The following MUC12 variants were observed in gnomAD, a reference collection of about 807,000 sequenced individuals.
MUC12 encodes mucin-12.
Under a neutral mutation model 230.8 loss-of-function variants are expected in MUC12, and 172 were observed. That is an observed-to-expected ratio of 0.75 (90% CI 0.66 to 0.85). The LOEUF (loss-of-function observed/expected upper bound fraction) is 0.85. MUC12 is among the 40% of genes least tolerant of loss of function. The probability of loss-of-function intolerance (pLI) is 0.00; values close to 1 mark genes in which losing one functional copy is unlikely to be tolerated. For missense variants in MUC12, 3,506 were observed against 5,920.6 expected (o/e 0.59, Z 13.38); for synonymous variants, 1,259 against 2,401.9 (o/e 0.52, Z 13.91).
intron 5 of MUC12, 98 bp downstream of exon 5, chr7:101,009,257 T>C: frequency 7.8e-7 from 1 of 1,287,054 alleles, no homozygotes; most frequent in Non-Finnish European, 1.1e-6. Flanking sequence ...ATATCAATAC[T>C]GGTTGGGTCA....
Position 100,992,564 on chromosome 7 carries a change from A to T in MUC12, c.2001A>T (p.Ser667=). 1 of 1,537,966 alleles carries T rather than the reference A, an allele frequency of 6.5e-7. No individual in the cohort carries two copies. Among genetic ancestry groups the T allele is most frequent in the Non-Finnish European group, 8.7e-7 (1 of 1,147,070 alleles). Residue 667 remains serine (S), a synonymous_variant, in exon 2 of 12, where the codon TCA becomes TCT. Transcript: ENST00000536621. ...PSTTSHGSPS[S]IPTTHISARS... is the part of the protein sequence containing the mutation. ...CAACCTCCCACGGCAGCCCGAGCTC[A>T]ATTCCAACAACCCACATTTCTGCCC...
Position 101,012,399 on chromosome 7 carries a change from A to T in MUC12, c.15355A>T (p.Ile5119Phe), listed in dbSNP as rs1324799038. The T allele has an allele frequency of 6.5e-7, 1 of 1,537,856 alleles. No individual in the cohort carries two copies. The highest frequency in any genetic ancestry group is 2.0e-5 in the Admixed American group (1 of 51,004). Residue 5119 changes from isoleucine (I) to phenylalanine (F), a missense_variant, in exon 6 of 12, where the codon ATT becomes TTT. Coordinates refer to ENST00000536621, the MANE Select transcript of MUC12 (RefSeq NM_001164462.2). ...ENLAEIVKAK[I>F]MNETRTTLLD... Reference sequence around the variant, plus strand: ...CCTGGCAGAGATTGTAAAGGCCAAGATTATGAATGAAACTAGAACAACTCT... The same window carrying T: ...CCTGGCAGAGATTGTAAAGGCCAAGTTTATGAATGAAACTAGAACAACTCT...
chr7:100,991,637 T>C lies in MUC12; in HGVS notation c.1074T>C (p.Ser358=). ...CGACCTCAGGCCATGTTGAAGAATC[T>C]ACAGCCTACCACAGGAGCCCGGGCT... The part of the protein sequence containing the change: ...RSATSGHVEE[S]TAYHRSPGST... The change falls in exon 2 of 12, where the codon TCT becomes TCC. Residue 358 remains serine (S), a synonymous_variant. Transcript: ENST00000536621. 1.3e-6 allele frequency: 2 copies of C among 1,536,934 alleles called. No homozygotes were observed. The highest frequency in any genetic ancestry group is 2.4e-5 in the South Asian group (2 of 84,016).
Position 101,004,673 on chromosome 7 carries a change from A to G in MUC12, c.14110A>G (p.Thr4704Ala), listed in dbSNP as rs377160283. The G allele has an allele frequency of 3.9e-6, 6 of 1,537,742 alleles. No homozygotes were observed. The highest frequency in any genetic ancestry group is 5.2e-6 in the Non-Finnish European group (6 of 1,147,002). ...CACACCCTTACCTGCCCATTTTACT[A>G]CCTCAGGCCGCATTGCAGAATCTAC... ...GITPLPAHFT[T>A]SGRIAESTTF... The change falls in exon 2 of 12, where the codon ACC becomes GCC. Residue 4704 changes from threonine to alanine, a missense_variant. Transcript: ENST00000536621.
At chr7:100,981,615 G>A (rs964396451) in intron 1 of MUC12, 8 of 428,300 alleles carry the variant, frequency 1.9e-5, no homozygotes, top group African/African-American at 1.4e-4. Flanking sequence ...TGTGACCTGC[G>A]AGGGCAACTG....
In MUC12 at chr7:101,011,354, C is replaced by T. The variant is rs775161027; in HGVS notation, c.15252-942C>T. Among the ~76,000 whole-genome samples the T allele has an allele frequency of 9.8e-5, 15 of 152,286 alleles. No homozygotes were observed. The South Asian group carries it at 1.0e-3, about 11-fold the overall frequency. The stretch of plus-strand genomic sequence containing the variant: ...CAGTGACAGATGACTTGCCTTGTCT[C>T]AAGATCTCTCCCCCCAGCTGCATCA... On this transcript the variant is annotated intron_variant, in intron 5 of 11. Transcript: ENST00000536621.
intron 1 of MUC12, among the ~76,000 whole-genome samples, chr7:100,972,508 GC>G (rs145454414): frequency 0.015 from 2,252 of 151,862 alleles, 3 homozygotes; most frequent in Non-Finnish European, 0.019. Context: ...GGCATCTGTA[GC>G]TTTTTTTTTT....
At chr7:100,975,433 CA>C (rs1281440295) in intron 1 of MUC12, among the ~76,000 whole-genome samples, 1 of 152,308 alleles carries the variant, frequency 6.6e-6, no homozygotes, top group Non-Finnish European at 1.5e-5. Context: ...TCACAATAGA[CA>C]AAGGGGCAAC....
Position 100,992,360 on chromosome 7 carries a change from A to C in MUC12, c.1797A>C (p.Ser599=), listed in dbSNP as rs750992784. 12 of 1,536,684 alleles carry C rather than the reference A, an allele frequency of 7.8e-6. No individual in the cohort carries two copies. Among genetic ancestry groups the C allele is most frequent in the South Asian group, 2.4e-5 (2 of 83,998 alleles). ...TTLLPDNTTA[S]GLLEASMPVH... The stretch of plus-strand genomic sequence containing the variant: ...TCTTACCTGACAACACCACAGCCTC[A>C]GGACTCCTTGAAGCATCTATGCCCG... Residue 599 remains serine, a synonymous_variant, in exon 2 of 12, where the codon TCA becomes TCC. Transcript: ENST00000536621.
intron 5 of MUC12, among the ~76,000 whole-genome samples, chr7:101,010,864 G>A (rs1460266849): frequency 6.6e-6 from 1 of 152,080 alleles, no homozygotes; most frequent in Non-Finnish European, 1.5e-5. Context: ...TGCCCGGGCT[G>A]GTCTCAAACT....
intron 1 of MUC12, among the ~76,000 whole-genome samples, chr7:100,990,172 GAAGT>G (rs1793256196): frequency 6.6e-6 from 1 of 152,254 alleles, no homozygotes; most frequent in African/African-American, 2.4e-5. Context: ...CACACGGCAA[GAAGT>G]GAGTAGCGGG....
Position 100,990,838 on chromosome 7 carries a change from G to A in MUC12, c.275G>A (p.Gly92Glu). Reference protein sequence around the residue: ...TVSHSGPGATGTTLFPSHSAT... With the variant: ...TVSHSGPGATETTLFPSHSAT... ...TCCCACAGCGGCCCAGGTGCAACTG[G>A]AACAACACTCTTCCCTTCCCACTCT... Residue 92 changes from glycine to glutamate, a missense_variant, in exon 2 of 12, where the codon GGA (glycine) becomes GAA (glutamate). Gly to Glu is a moderately conservative substitution (Grantham distance 98). Coordinates refer to ENST00000536621, the MANE Select transcript of MUC12 (RefSeq NM_001164462.2). 1 of 1,537,522 alleles carries A rather than the reference G, an allele frequency of 6.5e-7. No homozygotes were observed. Among genetic ancestry groups the A allele is most frequent in the Non-Finnish European group, 8.7e-7 (1 of 1,146,968 alleles).
Position 100,991,194 on chromosome 7 carries a change from A to G in MUC12, c.631A>G (p.Thr211Ala), listed in dbSNP as rs1793288642. Residue 211 changes from threonine to alanine, a missense_variant, in exon 2 of 12, where the codon ACT becomes GCT. Physicochemically the swap from Thr to Ala is moderately conservative, Grantham distance 58. Transcript: ENST00000536621. ...GSTDTTLSPG[T>A]TTPSSLGPES... The stretch of plus-strand genomic sequence containing the variant: ...CACAGACACAACACTGTCCCCTGGC[A>G]CTACCACACCATCATCCCTTGGTCC... The G allele has an allele frequency of 6.5e-7, 1 of 1,537,456 alleles. No individual in the cohort carries two copies. The highest frequency in any genetic ancestry group is 1.4e-5 in the African/African-American group (1 of 72,998).
chr7:101,017,324 G>A (rs1448413396), intron 10 of MUC12: 1 of 453,492 alleles, frequency 2.2e-6, no homozygotes, highest in Non-Finnish European at 3.9e-6. Context: ...CGTGGCCCCC[G>A]CTTCCACCCC....
At chr7:100,988,796 T>C (rs999610138) in intron 1 of MUC12, among the ~76,000 whole-genome samples, 5 of 152,118 alleles carry the variant, frequency 3.3e-5, no homozygotes, top group Non-Finnish European at 2.9e-5. Context: ...GCTCCCACAA[T>C]TCCCATGTGT....
chr7:101,016,801 T>G (rs889247741), intron 10 of MUC12: 9 of 152,268 alleles, frequency 5.9e-5, no homozygotes, highest in African/African-American at 2.2e-4. Flanking sequence ...GAGCTGACCC[T>G]TGGGCCCCGA....
chr7:101,012,718 C>A (rs1793855568), intron 6 of MUC12, 101 bp from the exon 7 acceptor site: 13 of 1,344,176 alleles, frequency 9.7e-6, no homozygotes, highest in Middle Eastern at 1.8e-4. Context: ...CGGGCATTGG[C>A]CCAGGGGAGG....
Position 101,002,766 on chromosome 7 carries a change from C to CTTGTGGAGCTGG in MUC12, c.12203_12204insTTGTGGAGCTGG (p.Ser4068_Thr4069insCysGlyAlaGly). 8.4e-7 allele frequency: 1 copy of CTTGTGGAGCTGG among 1,188,090 alleles called. No individual in the cohort carries two copies. Among genetic ancestry groups the CTTGTGGAGCTGG allele is most frequent in the Non-Finnish European group, 1.2e-6 (1 of 847,202 alleles). The allele number at this position is 1,188,090 out of a possible 1,614,324, so 73.6% of individuals were successfully genotyped here. A position where few individuals can be genotyped will look rare whatever the true frequency, so the allele number is the denominator to read the frequency against. ...CACACAACACTGACCCCTGCCAGCT[C>CTTGTGGAGCTGG]CACAAGCACTGGCCTTCAGGAAGAA... On this transcript the variant is annotated inframe_insertion, in exon 2 of 12. Coordinates refer to ENST00000536621, the MANE Select transcript of MUC12 (RefSeq NM_001164462.2).
chr7:100,991,175 C>T lies in MUC12; in HGVS notation c.612C>T (p.Asp204=). The T allele has an allele frequency of 6.5e-7, 1 of 1,537,610 alleles. No homozygotes were observed. The highest frequency in any genetic ancestry group is 8.7e-7 in the Non-Finnish European group (1 of 1,146,866). Residue 204 remains aspartate, a synonymous_variant, in exon 2 of 12, where the codon GAC becomes GAT. Transcript: ENST00000536621. ...TASHSIPGST[D]TTLSPGTTTP... ...CCCACAGCATCCCCGGCTCCACAGA[C>T]ACAACACTGTCCCCTGGCACTACCA...
Sources: allele counts gnomAD v4.1 joint callset (sites outside exome capture counted in the v4.1 genomes callset), GRCh38; gene constraint gnomAD v4.1.1; transcripts MANE v1.5; gene names NCBI Gene and HGNC (gene_info 2026-07-23, HGNC 2026-07-21).